ALG6: variants seen among roughly 807,000 people sequenced by gnomAD.
ALG6 encodes the protein ALG6 alpha-1,3-glucosyltransferase.
ALG6 carries 46 observed loss-of-function variants against 66.6 expected under a neutral mutation model. The observed-to-expected ratio is 0.69, with a 90% CI of 0.55 to 0.88. The LOEUF (loss-of-function observed/expected upper bound fraction) is 0.88, where lower values mean the gene tolerates loss of function less well. Among genes scored for constraint, ALG6 ranks in the 40% least tolerant of loss-of-function variants. The pLI is 0.00. For synonymous variants in ALG6, 185 were observed against 203.7 expected (o/e 0.91, Z 0.78); for missense variants, 505 against 586.8 (o/e 0.86, Z 1.44).
In ALG6 at chr1:63,429,040, G is replaced by T. The variant is rs1644631834; in HGVS notation, c.1240G>T (p.Glu414Ter). 6.2e-7 allele frequency: 1 copy of T among 1,607,826 alleles called. No individual in the cohort carries two copies. The highest frequency in any genetic ancestry group is 1.3e-5 in the African/African-American group (1 of 74,620). Residue 414 changes from glutamate (E) to a stop codon, truncating the protein, a stop_gained, in exon 14 of 15, where the codon GAA (glutamate) becomes TAA (stop). Transcript: ENST00000263440. LOFTEE classifies it high-confidence loss of function. ...TTCAATATTTGAAAAGACTTCTGAA[G>T]AAGAACTGCAGTTGAAATCCTTTTC... is the stretch of plus-strand genomic sequence containing the variant. ...SFSIFEKTSE[E>*]ELQLKSFSIS... is the part of the protein sequence containing the mutation.
intron 2 of ALG6, among the ~76,000 whole-genome samples, chr1:63,376,968 T>C (rs1648153211): frequency 6.6e-6 from 1 of 152,144 alleles, no homozygotes; most frequent in South Asian, 2.1e-4. Context: ...GATTTAGAAT[T>C]GTTTTTCTTT....
intron 9 of ALG6, 158 bp from the exon 10 acceptor site, chr1:63,413,903 T>A: frequency 1.7e-6 from 1 of 592,644 alleles, no homozygotes; most frequent in African/African-American, 1.9e-5. Context: ...AGTGTATGCG[T>A]ATATGTTTAT....
chr1:63,422,225 A>ATCTATATG (rs1491422091), intron 12 of ALG6, among the ~76,000 whole-genome samples: 1 of 71,588 alleles, frequency 1.4e-5, no homozygotes, highest in South Asian at 3.8e-4. Flanking sequence ...ATATTTATAT[A>ATCTATATG]AATATAAATA....
chr1:63,370,761 T>C lies in ALG6; in HGVS notation c.-207-10T>C. ...CAGCTGAATCTTGATATCTTTTTTT[T>C]TCCCCTTAGGATACTTCTACATAGA... On this transcript the variant is annotated splice_polypyrimidine_tract_variant and intron_variant, in intron 1 of 14. Coordinates refer to ENST00000263440, the MANE Select transcript of ALG6 (RefSeq NM_013339.4). 3.5e-6 allele frequency: 2 copies of C among 569,218 alleles called. No homozygotes were observed. Among genetic ancestry groups the C allele is most frequent in the Non-Finnish European group, 6.3e-6 (2 of 319,000 alleles). 35.3% of individuals were successfully genotyped at this position (569,218 alleles called of 1,614,324 possible).
chr1:63,401,366 C>A (rs939484356), intron 3 of ALG6, among the ~76,000 whole-genome samples: 11 of 151,926 alleles, frequency 7.2e-5, no homozygotes, highest in Admixed American at 7.2e-4. Flanking sequence ...GGAATTGTGA[C>A]CCATTTGAAA....
intron 14 of ALG6, among the ~76,000 whole-genome samples, chr1:63,432,541 G>T (rs1314698091): frequency 6.6e-6 from 1 of 152,186 alleles, no homozygotes; most frequent in Non-Finnish European, 1.5e-5. Flanking sequence ...AGATTGCAAT[G>T]TATTTGAGGT....
At chr1:63,368,191 G>C (rs1483121783) in intron 1 of ALG6, among the ~76,000 whole-genome samples, 1 of 152,170 alleles carries the variant, frequency 6.6e-6, no homozygotes, top group Non-Finnish European at 1.5e-5. Flanking sequence ...CAGTGGATGG[G>C]TTAGAAAATT....
chr1:63,411,492 G>A (rs1179546609), intron 8 of ALG6, among the ~76,000 whole-genome samples, 161 bp downstream of exon 8: 1 of 152,012 alleles, frequency 6.6e-6, no homozygotes, highest in Non-Finnish European at 1.5e-5. Flanking sequence ...GTCATGTTCT[G>A]TATTTTATTT....
At chr1:63,385,778 C>T (rs1437894186) in intron 2 of ALG6, among the ~76,000 whole-genome samples, 2 of 152,194 alleles carry the variant, frequency 1.3e-5, no homozygotes, top group Non-Finnish European at 2.9e-5. Flanking sequence ...GATAATTTGA[C>T]TTCTTCCTTT....
intron 1 of ALG6, among the ~76,000 whole-genome samples, chr1:63,368,657 C>A (rs1341989152): frequency 6.6e-6 from 1 of 152,036 alleles, no homozygotes; most frequent in Non-Finnish European, 1.5e-5. Flanking sequence ...CGCACCACCA[C>A]GCCCAGCTAA....
intron 7 of ALG6, among the ~76,000 whole-genome samples, chr1:63,407,733 AGAC>A (rs1557590160): frequency 6.6e-6 from 1 of 152,102 alleles, no homozygotes; most frequent in East Asian, 1.9e-4. Flanking sequence ...AAGGAAAAAA[AGAC>A]GACATTACAC....
At chr1:63,380,235 G>C (rs2100388123) in intron 2 of ALG6, among the ~76,000 whole-genome samples, 1 of 152,208 alleles carries the variant, frequency 6.6e-6, no homozygotes, top group African/African-American at 2.4e-5. Context: ...ATTTAAAATA[G>C]ACAAGGGATC....
At chr1:63,373,658 A>AT (rs34012518) in intron 2 of ALG6, among the ~76,000 whole-genome samples, 3,020 of 131,032 alleles carry the variant, frequency 0.023, 112 homozygotes, top group Middle Eastern at 0.054. Flanking sequence ...TTTAATTTAC[A>AT]TTTTTTTTTT....
At position 63,407,073 on chromosome 1, in the gene ALG6, A is replaced by T; in HGVS notation, c.441A>T (p.Ala147=). The change falls in exon 7 of 15, where the codon GCA becomes GCT. Residue 147 remains alanine (A), a synonymous_variant. Coordinates refer to ENST00000263440, the MANE Select transcript of ALG6 (RefSeq NM_013339.4). ...ATTTGTCTTTACAGATTGCTAATGC[A>T]TTATGCATCTTGCTGTATCCAGGCC... The part of the protein sequence containing the change: ...EISTKKKIAN[A]LCILLYPGLI... 6.2e-7 allele frequency: 1 copy of T among 1,607,930 alleles called. No homozygotes were observed. The highest frequency in any genetic ancestry group is 8.5e-7 in the Non-Finnish European group (1 of 1,174,886).
At chr1:63,388,466 A>T (rs1052209747) in intron 2 of ALG6, among the ~76,000 whole-genome samples, 1 of 152,226 alleles carries the variant, frequency 6.6e-6, no homozygotes, top group Non-Finnish European at 1.5e-5. Context: ...CAAAGAGAAA[A>T]TTAACAAAAA....
chr1:63,416,660 GGA>G (rs1006488893), intron 11 of ALG6, among the ~76,000 whole-genome samples: 1 of 152,090 alleles, frequency 6.6e-6, no homozygotes, highest in African/African-American at 2.4e-5. Flanking sequence ...TTTTTGAGAA[GGA>G]GAGGGGGCAG....
At chr1:63,381,498 G>A (rs948817337) in intron 2 of ALG6, among the ~76,000 whole-genome samples, 1 of 152,058 alleles carries the variant, frequency 6.6e-6, no homozygotes, top group Admixed American at 6.6e-5. Context: ...CCCAAAATTA[G>A]GTGGGCATGG....
At chr1:63,422,313 C>CTAAATA (rs368658186) in intron 12 of ALG6, among the ~76,000 whole-genome samples, 653 of 39,028 alleles carry the variant, frequency 0.017, 90 homozygotes, top group African/African-American at 0.1. Context: ...AAATATATAT[C>CTAAATA]TATATATGAA....
At position 63,437,289 on chromosome 1, in the gene ALG6, A is replaced by G; in HGVS notation, c.*269A>G. 2.6e-6 allele frequency: 1 copy of G among 389,558 alleles called. No homozygotes were observed. The highest frequency in any genetic ancestry group is 4.8e-6 in the Non-Finnish European group (1 of 208,546). 24.1% of individuals were successfully genotyped at this position (389,558 alleles called of 1,614,324 possible). On this transcript the variant is annotated 3_prime_UTR_variant, in exon 15 of 15. Coordinates refer to ENST00000263440, the MANE Select transcript of ALG6 (RefSeq NM_013339.4). ...ATTCAAGTGGGGAAAAAAGAGAAACATGTCCTTAATCCCATTGTTTACTCA... is the reference window on the plus strand; with the variant it reads ...ATTCAAGTGGGGAAAAAAGAGAAACGTGTCCTTAATCCCATTGTTTACTCA...
Sources: gnomAD v4.1 joint callset for allele counts (sites outside exome capture counted in the v4.1 genomes callset) on GRCh38, gnomAD v4.1.1 for gene constraint, MANE v1.5 for transcripts, NCBI Gene and HGNC (gene_info 2026-07-23, HGNC 2026-07-21) for gene names.